Variants in XYLT1 observed in about 807,000 individuals in gnomAD.
XYLT1 encodes the protein beta-D-xylosyltransferase 1.
XYLT1 carries 36 observed loss-of-function variants against 91.3 expected under a neutral mutation model. The ratio of observed to expected loss-of-function variants is 0.39; its 90% confidence interval spans 0.30 to 0.52. The LOEUF is 0.52. Ranked by LOEUF, XYLT1 falls within the 20% of genes least tolerant of loss-of-function variation. XYLT1 has a pLI of 0.68. For missense variants in XYLT1, 1,242 were observed against 1,284.5 expected (o/e 0.97, Z 0.51); for synonymous variants, 588 against 532.0 (o/e 1.11, Z -1.45).
chr16:17,368,588 C>A (rs993494405), intron 1 of XYLT1, among the ~76,000 whole-genome samples: 84 of 123,458 alleles, frequency 6.8e-4, no homozygotes, highest in East Asian at 1.8e-3. Flanking sequence ...TTGGTTTTTA[C>A]TTTAAAAAAA....
intron 9 of XYLT1, among the ~76,000 whole-genome samples, chr16:17,132,013 C>T (rs1444110821): frequency 6.2e-5 from 2 of 32,352 alleles, no homozygotes; most frequent in East Asian, 1.9e-3. Context: ...CACTTCATTC[C>T]AAAATGAATA....
chr16:17,370,107 A>T (rs2035511404), intron 1 of XYLT1, among the ~76,000 whole-genome samples: 1 of 152,160 alleles, frequency 6.6e-6, no homozygotes, highest in African/African-American at 2.4e-5. Context: ...AGGTCACACC[A>T]ATTTTATACA....
intron 6 of XYLT1, among the ~76,000 whole-genome samples, chr16:17,146,823 C>T (rs1344002496): frequency 6.6e-6 from 1 of 152,168 alleles, no homozygotes; most frequent in Non-Finnish European, 1.5e-5. Flanking sequence ...AGACTGGCAA[C>T]TTTTCTAAGG....
At chr16:17,417,738 C>A (rs1044506601) in intron 1 of XYLT1, among the ~76,000 whole-genome samples, 1 of 152,180 alleles carries the variant, frequency 6.6e-6, no homozygotes, top group African/African-American at 2.4e-5. Flanking sequence ...GCCAAGATGG[C>A]CTTACTGACT....
intron 2 of XYLT1, among the ~76,000 whole-genome samples, chr16:17,300,770 T>A (rs1289042300): frequency 6.6e-6 from 1 of 151,994 alleles, no homozygotes; most frequent in South Asian, 2.1e-4. Flanking sequence ...AATGCAGCTA[T>A]TAAAAAGAAT....
At chr16:17,161,076 C>T (rs1009975404) in intron 5 of XYLT1, among the ~76,000 whole-genome samples, 1 of 152,186 alleles carries the variant, frequency 6.6e-6, no homozygotes, top group African/African-American at 2.4e-5. Context: ...CGGGCCGGGG[C>T]TCCTGGGCCC....
intron 3 of XYLT1, among the ~76,000 whole-genome samples, chr16:17,220,725 G>A (rs542433556): frequency 3.9e-5 from 6 of 152,248 alleles, no homozygotes; most frequent in African/African-American, 1.2e-4. Flanking sequence ...CACCCGCCTC[G>A]GCCTCTCAAA....
intron 1 of XYLT1, among the ~76,000 whole-genome samples, chr16:17,413,400 T>A (rs1464184160): frequency 6.6e-6 from 1 of 151,954 alleles, no homozygotes; most frequent in African/African-American, 2.4e-5. Flanking sequence ...ATTCATCACA[T>A]GGCTAATTAG....
At chr16:17,384,285 G>A (rs567120202) in intron 1 of XYLT1, among the ~76,000 whole-genome samples, 1 of 151,736 alleles carries the variant, frequency 6.6e-6, no homozygotes. Context: ...AGGTAAGTAG[G>A]TGGTTTTGCC....
At chr16:17,163,564 A>C (rs2031601843) in intron 5 of XYLT1, among the ~76,000 whole-genome samples, 1 of 152,222 alleles carries the variant, frequency 6.6e-6, no homozygotes, top group Non-Finnish European at 1.5e-5. Flanking sequence ...GATACTGTCA[A>C]GGACCCTGCC....
At chr16:17,267,412 T>C in intron 2 of XYLT1, among the ~76,000 whole-genome samples, 1 of 151,922 alleles carries the variant, frequency 6.6e-6, no homozygotes, top group Non-Finnish European at 1.5e-5. Context: ...TCTGAGTCTT[T>C]TGTTTGTTTG....
intron 2 of XYLT1, among the ~76,000 whole-genome samples, chr16:17,301,767 C>G (rs1295802477): frequency 6.6e-6 from 1 of 152,138 alleles, no homozygotes; most frequent in African/African-American, 2.4e-5. Context: ...GATGAAGACT[C>G]GGAGGTTTAC....
chr16:17,315,538 T>TC (rs1567370646), intron 2 of XYLT1, among the ~76,000 whole-genome samples: 2 of 151,990 alleles, frequency 1.3e-5, no homozygotes, highest in African/African-American at 4.8e-5. Context: ...ATGTGTTGGT[T>TC]GTTGGTTTTG....
intron 2 of XYLT1, among the ~76,000 whole-genome samples, chr16:17,357,477 G>A (rs932662978): frequency 1.3e-5 from 2 of 152,140 alleles, no homozygotes; most frequent in African/African-American, 4.8e-5. Context: ...TCAGGGCCGT[G>A]CCCTCCCTTA....
chr16:17,297,329 A>G (rs563283038), intron 2 of XYLT1, among the ~76,000 whole-genome samples: 13 of 151,914 alleles, frequency 8.6e-5, no homozygotes, highest in Non-Finnish European at 1.3e-4. Context: ...CACTCCAGGA[A>G]GCCAAGGCAG....
At chr16:17,359,521 C>T (rs980340587) in intron 1 of XYLT1, among the ~76,000 whole-genome samples, 1 of 152,174 alleles carries the variant, frequency 6.6e-6, no homozygotes, top group Non-Finnish European at 1.5e-5. Context: ...AAGAGGAATT[C>T]GTCGTCCCCC....
chr16:17,169,586 C>T (rs185811401), intron 5 of XYLT1, among the ~76,000 whole-genome samples: 34 of 151,576 alleles, frequency 2.2e-4, no homozygotes, highest in African/African-American at 8.2e-4. Context: ...CAACAATCAG[C>T]ACCCAGGGGC....
intron 3 of XYLT1, among the ~76,000 whole-genome samples, chr16:17,236,154 CT>C (rs1260955473): frequency 6.6e-6 from 1 of 152,176 alleles, no homozygotes; most frequent in Non-Finnish European, 1.5e-5. Flanking sequence ...GTTGCTAGAT[CT>C]TTCCATTTAT....
chr16:17,106,880 G>C lies in XYLT1; in HGVS notation c.*1815C>G, dbSNP rs1966784422. 6.6e-6 allele frequency: 1 copy of C among 152,164 alleles called. No individual in the cohort carries two copies. The highest frequency in any genetic ancestry group is 1.5e-5 in the Non-Finnish European group (1 of 68,064). The allele number at this position is 152,164 out of a possible 1,614,324, so 9.4% of individuals were successfully genotyped here. A position where few individuals can be genotyped will look rare whatever the true frequency, so the allele number is the denominator to read the frequency against. ...CAAAGCCAGTGGAAGATGCGGGTTG[G>C]AGCTTTCTTTGCGTGGTGTTCGATG... On this transcript the variant is annotated 3_prime_UTR_variant, in exon 12 of 12. Coordinates refer to ENST00000261381, the MANE Select transcript of XYLT1 (RefSeq NM_022166.4).
Sources: allele counts gnomAD v4.1 joint callset (sites outside exome capture counted in the v4.1 genomes callset), GRCh38; gene constraint gnomAD v4.1.1; transcripts MANE v1.5; gene names NCBI Gene and HGNC (gene_info 2026-07-23, HGNC 2026-07-21).